The following BAZ1B variants were observed in gnomAD, a reference collection of about 807,000 sequenced individuals.
The protein encoded by BAZ1B is tyrosine-protein kinase BAZ1B.
Under a neutral mutation model 153.8 loss-of-function variants are expected in BAZ1B, and 22 were observed. That is an observed-to-expected ratio of 0.14 (90% CI 0.10 to 0.20). BAZ1B has a LOEUF of 0.20. Ranked by LOEUF, BAZ1B falls within the 10% of genes least tolerant of loss-of-function variation. BAZ1B has a pLI of 1.00. For missense variants in BAZ1B, 1,325 were observed against 1,799.3 expected, an observed-to-expected ratio of 0.74 and a Z score of 4.77; for synonymous variants, 676 against 633.4, an observed-to-expected ratio of 1.07 and a Z score of -1.01.
At chr7:73,452,226 G>A (rs1554568400) in intron 13 of BAZ1B, among the ~76,000 whole-genome samples, 1 of 152,140 alleles carries the variant, frequency 6.6e-6, no homozygotes, top group African/African-American at 2.4e-5. Flanking sequence ...CTTTCACTGA[G>A]CATGTTTCTA....
rs782260616 is a variant in BAZ1B at position 73,489,202 on chromosome 7, G to C, written c.883C>G (p.Pro295Ala). 6.2e-7 allele frequency: 1 copy of C among 1,614,048 alleles called. No individual in the cohort carries two copies. The highest frequency in any genetic ancestry group is 8.5e-7 in the Non-Finnish European group (1 of 1,179,972). Residue 295 changes from proline to alanine, a missense_variant, in exon 6 of 20, where the codon CCA becomes GCA. Around this residue, in one of 9 missense-constraint regions of BAZ1B, gnomAD observed 219 missense variants for 248.2 expected, o/e 0.88. Transcript: ENST00000339594. ...PSKFSDFLLDPYKYMTLNPST... is the reference protein window; with the variant it reads ...PSKFSDFLLDAYKYMTLNPST... ...ATTAACAGTGACCTTACCTTGTATG[G>C]ATCAAGTAAAAAGTCACTGAACTTG...
Position 73,477,362 on chromosome 7 carries a change from T to TCAGATCTGCGCAAGCAGAGCCGCAC in BAZ1B, c.2074_2098dup (p.Asp700GlyfsTer9). The TCAGATCTGCGCAAGCAGAGCCGCAC allele has an allele frequency of 6.2e-7, 1 of 1,614,238 alleles. No homozygotes were observed. The highest frequency in any genetic ancestry group is 8.5e-7 in the Non-Finnish European group (1 of 1,180,044). On this transcript the variant is annotated stop_gained and frameshift_variant, in exon 7 of 20. Transcript: ENST00000339594. LOFTEE classifies it high-confidence loss of function. This position sits in a 1 kb window ranked among gnomAD's most constrained non-coding sequence, Gnocchi z 5.6. ...TGAGCCCTCGCTTTCCTCCTGAACA[T>TCAGATCTGCGCAAGCAGAGCCGCAC]CAGATCTGCGCAAGCAGAGCCGCAC...
Position 73,470,380 on chromosome 7 carries a change from G to A in BAZ1B, c.2697C>T (p.Arg899=). Residue 899 remains arginine, a synonymous_variant, in exon 8 of 20, where the codon CGC becomes CGT. Coordinates refer to ENST00000339594, the MANE Select transcript of BAZ1B (RefSeq NM_032408.4). ...EGIAKAKLVM[R]RTPIGTDRNH... is the part of the protein sequence containing the mutation. Reference sequence around the variant, plus strand: ...TTCGATCTGTGCCAATAGGAGTCCTGCGCATGACTAGTTTGGCCTTGGCAA... The same window carrying A: ...TTCGATCTGTGCCAATAGGAGTCCTACGCATGACTAGTTTGGCCTTGGCAA... The A allele has an allele frequency of 1.2e-6, 2 of 1,614,104 alleles. No individual in the cohort carries two copies. The highest frequency in any genetic ancestry group is 1.7e-6 in the Non-Finnish European group (2 of 1,180,008).
At chr7:73,496,503 T>C (rs1207804200) in intron 4 of BAZ1B, among the ~76,000 whole-genome samples, 1 of 152,216 alleles carries the variant, frequency 6.6e-6, no homozygotes, top group Non-Finnish European at 1.5e-5. Context: ...AAGCTAACAT[T>C]TGATCCTCTA....
intron 3 of BAZ1B, among the ~76,000 whole-genome samples, chr7:73,500,978 C>T (rs147609005): frequency 2.0e-5 from 3 of 151,894 alleles, no homozygotes; most frequent in Non-Finnish European, 2.9e-5. Context: ...AGTTCAAGGC[C>T]GGGCGCAGTG....
At chr7:73,496,704 A>G (rs1789914984) in intron 4 of BAZ1B, among the ~76,000 whole-genome samples, 1 of 152,146 alleles carries the variant, frequency 6.6e-6, no homozygotes, top group Non-Finnish European at 1.5e-5. Flanking sequence ...GGTCCCTAGG[A>G]CATCATAGTT....
Position 73,477,112 on chromosome 7 carries a change from C to T in BAZ1B, c.2349G>A (p.Val783=), listed in dbSNP as rs1554572919. 6.2e-7 allele frequency: 1 copy of T among 1,614,178 alleles called. No individual in the cohort carries two copies. Among genetic ancestry groups the T allele is most frequent in the Admixed American group, 1.7e-5 (1 of 60,016 alleles). ...TCTTCTTATCATTTTCTTCCTTCAACACAGCAAGCCGTTCCTTCCACAACT... is the reference window on the plus strand; with the variant it reads ...TCTTCTTATCATTTTCTTCCTTCAATACAGCAAGCCGTTCCTTCCACAACT... ...SAELWKERLA[V]LKEENDKKRA... The change falls in exon 7 of 20, where the codon GTG becomes GTA. Residue 783 remains valine (V), a synonymous_variant. Coordinates refer to ENST00000339594, the MANE Select transcript of BAZ1B (RefSeq NM_032408.4). The surrounding 1 kb of genome is among the most constrained non-coding windows in gnomAD (Gnocchi z 5.6).
intron 13 of BAZ1B, among the ~76,000 whole-genome samples, chr7:73,451,960 C>A (rs1267952848): frequency 2.0e-5 from 3 of 152,204 alleles, no homozygotes; most frequent in Non-Finnish European, 4.4e-5. Flanking sequence ...GGAATGACTA[C>A]CAATGGGCTT....
intron 7 of BAZ1B, among the ~76,000 whole-genome samples, chr7:73,471,368 ATCAT>A (rs1335130889): frequency 2.0e-5 from 3 of 152,172 alleles, no homozygotes; most frequent in South Asian, 2.1e-4. Context: ...TTTATTTCTG[ATCAT>A]TCATTAATTA....
At chr7:73,471,479 T>C (rs782471017) in intron 7 of BAZ1B, among the ~76,000 whole-genome samples, 17 of 152,206 alleles carry the variant, frequency 1.1e-4, no homozygotes, top group Non-Finnish European at 5.9e-5. Context: ...ATAGGGTACA[T>C]GGCAATGCTA....
intron 7 of BAZ1B, among the ~76,000 whole-genome samples, chr7:73,474,186 A>T (rs1357129493): frequency 6.6e-6 from 1 of 151,808 alleles, no homozygotes; most frequent in African/African-American, 2.4e-5. Flanking sequence ...CAATGGGGAA[A>T]GGTTTGTCAT....
intron 6 of BAZ1B, among the ~76,000 whole-genome samples, chr7:73,483,788 C>T (rs542070343): frequency 8.5e-5 from 13 of 152,190 alleles, no homozygotes; most frequent in African/African-American, 2.9e-4. Context: ...ACTAGAGGCA[C>T]ACGCCACCAC....
intron 9 of BAZ1B, among the ~76,000 whole-genome samples, chr7:73,467,223 C>T (rs782700723): frequency 5.9e-5 from 9 of 152,066 alleles, no homozygotes; most frequent in East Asian, 3.9e-4. Flanking sequence ...TGAGCTACCA[C>T]GCCCGGCCAG....
In BAZ1B at chr7:73,477,373, C is replaced by T; in HGVS notation, c.2088G>A (p.Leu696=). 6.2e-7 allele frequency: 1 copy of T among 1,614,248 alleles called. No individual in the cohort carries two copies. Among genetic ancestry groups the T allele is most frequent in the Non-Finnish European group, 8.5e-7 (1 of 1,180,044 alleles). Residue 696 remains leucine, a synonymous_variant, in exon 7 of 20, where the codon TTG becomes TTA. Coordinates refer to ENST00000339594, the MANE Select transcript of BAZ1B (RefSeq NM_032408.4). The surrounding 1 kb of genome is among the most constrained non-coding windows in gnomAD (Gnocchi z 5.6). ...HSVSELVRLC[L]RRSDVQEESE... ...TTTCCTCCTGAACATCAGATCTGCG[C>T]AAGCAGAGCCGCACCAGCTCTGAAA...
chr7:73,515,531 C>CTTT (rs869065388), intron 1 of BAZ1B, among the ~76,000 whole-genome samples: 43 of 111,362 alleles, frequency 3.9e-4, no homozygotes, highest in African/African-American at 4.5e-4. Flanking sequence ...AGCCTTGTTC[C>CTTT]TTTTTTTTTT....
chr7:73,490,856 C>T (rs746669965), intron 5 of BAZ1B, among the ~76,000 whole-genome samples: 3 of 151,790 alleles, frequency 2.0e-5, no homozygotes, highest in Admixed American at 6.6e-5. Context: ...CCACCTGCCT[C>T]GGCCTCCCAA....
At chr7:73,496,902 C>G (rs1789924270) in intron 4 of BAZ1B, among the ~76,000 whole-genome samples, 1 of 151,706 alleles carries the variant, frequency 6.6e-6, no homozygotes, top group South Asian at 2.1e-4. Flanking sequence ...GCCGAGGCCA[C>G]AAGGAGGTCC....
chr7:73,463,140 T>G (rs782033085), intron 11 of BAZ1B, 41 bp from the exon 12 acceptor site: 17 of 1,515,076 alleles, frequency 1.1e-5, no homozygotes, highest in Non-Finnish European at 1.5e-5. Context: ...AGAAACAAAC[T>G]TTTGAAGATG....
intron 1 of BAZ1B, among the ~76,000 whole-genome samples, chr7:73,518,299 G>A (rs1790892705): frequency 6.6e-6 from 1 of 151,450 alleles, no homozygotes; most frequent in Non-Finnish European, 1.5e-5. Context: ...TGTAGTCCCA[G>A]CTACTCAGGA....
Sources: allele counts gnomAD v4.1 joint callset (sites outside exome capture counted in the v4.1 genomes callset), GRCh38; gene constraint gnomAD v4.1.1; regional missense constraint gnomAD v4.1.1; non-coding constraint Gnocchi (gnomAD v3.1); transcripts MANE v1.5; gene names NCBI Gene and HGNC (gene_info 2026-07-23, HGNC 2026-07-21).